Variants in TENM2 observed in about 807,000 individuals in gnomAD.
TENM2 encodes teneurin transmembrane protein 2.
In TENM2, 52 loss-of-function variants were observed where a neutral mutation model predicts 245.2. That is an observed-to-expected ratio of 0.21 (90% CI 0.17 to 0.27). The LOEUF (loss-of-function observed/expected upper bound fraction) is 0.27, where lower values mean the gene tolerates loss of function less well. TENM2 is among the 10% of genes least tolerant of loss of function. TENM2 has a pLI of 1.00. For missense variants in TENM2, 3,046 were observed against 3,666.8 expected (o/e 0.83, Z 4.37); for synonymous variants, 1,363 against 1,438.9 (o/e 0.95, Z 1.19).
chr5:167,591,134 A>G lies in TENM2; in HGVS notation c.502+215661A>G, dbSNP rs376727982. 1.7e-3 allele frequency among the ~76,000 whole-genome samples: 258 copies of G among 152,286 alleles called. 12 individuals carry two copies. In the South Asian group the frequency reaches 0.052, roughly 30 times the overall value. On this transcript the variant is annotated intron_variant, in intron 2 of 28. Coordinates refer to ENST00000518659, the Ensembl canonical transcript of TENM2. ...AATTTTGTAAGATGTAACCCATAGA[A>G]CACCAGCCTAGTGCAAAGCTCTGCA...
At chr5:167,530,394 T>C (rs959989538) in intron 2 of TENM2, among the ~76,000 whole-genome samples, 1 of 152,210 alleles carries the variant, frequency 6.6e-6, no homozygotes, top group African/African-American at 2.4e-5. Flanking sequence ...GCAGGCACCC[T>C]TTCTTTAGTT....
chr5:167,698,667 G>GTTTTTTT (rs1757928488), intron 2 of TENM2, among the ~76,000 whole-genome samples: 2 of 118,658 alleles, frequency 1.7e-5, no homozygotes, highest in Non-Finnish European at 3.6e-5. Flanking sequence ...TGTGTGTTTT[G>GTTTTTTT]TTTTGTTTTT....
chr5:167,202,358 C>T, the TENM2 span, among the ~76,000 whole-genome samples: 2,590 of 152,132 alleles, frequency 0.017, 73 homozygotes, highest in African/African-American at 0.059. Flanking sequence ...AGACACACCC[C>T]GCTTGCATTC....
At chr5:167,547,718 T>G (rs1480453065) in intron 2 of TENM2, among the ~76,000 whole-genome samples, 1 of 152,202 alleles carries the variant, frequency 6.6e-6, no homozygotes, top group Non-Finnish European at 1.5e-5. Flanking sequence ...TAGCTGAGTA[T>G]AGCCTCATAA....
intron 2 of TENM2, among the ~76,000 whole-genome samples, chr5:167,788,775 A>G (rs1430627359): frequency 6.6e-5 from 10 of 152,160 alleles, no homozygotes; most frequent in Admixed American, 6.5e-4. Context: ...TCTTCCTTAG[A>G]TCATCAGCTT....
chr5:167,755,290 C>T (rs1762235877), intron 2 of TENM2: 3 of 838,846 alleles, frequency 3.6e-6, no homozygotes, highest in East Asian at 2.6e-5. Flanking sequence ...CAGCGGATAC[C>T]AAGGGAGAGA....
chr5:168,229,128 TTTTAAC>T (rs1764582251), intron 25 of TENM2, among the ~76,000 whole-genome samples: 2 of 149,000 alleles, frequency 1.3e-5, no homozygotes, highest in Admixed American at 6.7e-5. Context: ...GCTTGTATTA[TTTTAAC>T]TTTTTCAATA....
At chr5:167,385,753 T>C (rs1373973451) in intron 2 of TENM2, among the ~76,000 whole-genome samples, 2 of 152,068 alleles carry the variant, frequency 1.3e-5, no homozygotes, top group Admixed American at 1.3e-4. Context: ...TGAGAACATA[T>C]GATGTTTGGT....
intron 2 of TENM2, among the ~76,000 whole-genome samples, chr5:167,752,769 T>C (rs1355719045): frequency 6.6e-6 from 1 of 152,210 alleles, no homozygotes; most frequent in Non-Finnish European, 1.5e-5. Context: ...GTGGTTAGGC[T>C]GACTGATCCC....
intron 2 of TENM2, among the ~76,000 whole-genome samples, chr5:167,607,181 A>T (rs1395684124): frequency 2.6e-5 from 4 of 152,156 alleles, no homozygotes; most frequent in Non-Finnish European, 5.9e-5. Flanking sequence ...AGTAGAGAGA[A>T]ATGTCTCTCT....
chr5:167,759,389 TA>T (rs917114925), intron 2 of TENM2, among the ~76,000 whole-genome samples: 1 of 152,074 alleles, frequency 6.6e-6, no homozygotes, highest in Non-Finnish European at 1.5e-5. Context: ...GGCTGTTTGT[TA>T]GGACTCACAT....
At chr5:167,560,290 C>T (rs1298887651) in intron 2 of TENM2, among the ~76,000 whole-genome samples, 1 of 152,168 alleles carries the variant, frequency 6.6e-6, no homozygotes, top group East Asian at 1.9e-4. Flanking sequence ...TCTCTTACTG[C>T]ATTTTACCTT....
chr5:167,197,767 T>C, the TENM2 span, among the ~76,000 whole-genome samples: 1 of 152,076 alleles, frequency 6.6e-6, no homozygotes, highest in Non-Finnish European at 1.5e-5. Context: ...CTAGGTCTTC[T>C]TTCCATATTC....
chr5:167,883,193 C>A (rs1007693372), intron 3 of TENM2, among the ~76,000 whole-genome samples: 4 of 152,136 alleles, frequency 2.6e-5, no homozygotes, highest in African/African-American at 9.7e-5. Context: ...CAACACAAAC[C>A]TGGGCTCCCA....
At chr5:167,851,367 T>G (rs1252725035) in intron 2 of TENM2, among the ~76,000 whole-genome samples, 1 of 152,180 alleles carries the variant, frequency 6.6e-6, no homozygotes, top group Non-Finnish European at 1.5e-5. Context: ...AGGAATAATT[T>G]TAGTGTATAT....
the TENM2 span, among the ~76,000 whole-genome samples, chr5:167,067,756 T>A: frequency 6.6e-6 from 1 of 152,176 alleles, no homozygotes; most frequent in Non-Finnish European, 1.5e-5. Context: ...TCTAATGTAT[T>A]GGTCATAACC....
intron 2 of TENM2, among the ~76,000 whole-genome samples, chr5:167,679,400 C>T (rs973349851): frequency 6.6e-6 from 1 of 152,046 alleles, no homozygotes; most frequent in Non-Finnish European, 1.5e-5. Flanking sequence ...ATTCAGAAAT[C>T]CTGGCATGAA....
intron 2 of TENM2, among the ~76,000 whole-genome samples, chr5:167,827,629 G>GGA (rs1554126461): frequency 0.024 from 76 of 3,160 alleles, 3 homozygotes; most frequent in African/African-American, 0.038. Context: ...CTAGGTGGGC[G>GGA]GGGGGGGGGG....
intron 2 of TENM2, among the ~76,000 whole-genome samples, chr5:167,405,002 T>A (rs999305899): frequency 5.3e-5 from 8 of 152,282 alleles, no homozygotes; most frequent in African/African-American, 1.9e-4. Flanking sequence ...TAGATTTGCC[T>A]ATTTTAGACA....
Sources: gnomAD v4.1 joint callset for allele counts (sites outside exome capture counted in the v4.1 genomes callset) on GRCh38, gnomAD v4.1.1 for gene constraint, MANE v1.5 for transcripts, NCBI Gene and HGNC (gene_info 2026-07-23, HGNC 2026-07-21) for gene names.